MDFIC2: variants seen among roughly 807,000 people sequenced by gnomAD.
MDFIC2 encodes MyoD family inhibitor domain containing 2.
At chr3:70,245,463 C>T (rs1305792669) in intron 2 of MDFIC2, among the ~76,000 whole-genome samples, 1 of 151,328 alleles carries the variant, frequency 6.6e-6, no homozygotes, top group African/African-American at 2.4e-5. Flanking sequence ...TAAGAAATAG[C>T]ATATGGTCGA....
At chr3:70,246,257 A>C (rs1701707670) in intron 2 of MDFIC2, among the ~76,000 whole-genome samples, 1 of 152,164 alleles carries the variant, frequency 6.6e-6, no homozygotes, top group Middle Eastern at 3.4e-3. Context: ...TGTTTTGTTC[A>C]CCAGGAGGAA....
chr3:70,259,088 G>A (rs1279994510), intron 2 of MDFIC2, among the ~76,000 whole-genome samples: 2 of 152,058 alleles, frequency 1.3e-5, no homozygotes, highest in African/African-American at 2.4e-5. Flanking sequence ...GAAATTATAC[G>A]GTACCTCCTG....
intron 2 of MDFIC2, among the ~76,000 whole-genome samples, chr3:70,304,486 G>A (rs17007039): frequency 0.043 from 6,488 of 152,062 alleles, 202 homozygotes; most frequent in South Asian, 0.078. Flanking sequence ...CCCTTTTCTA[G>A]CCAATTTCTC....
At position 70,279,887 on chromosome 3, in the gene MDFIC2, C is replaced by G. The variant is rs1232392771; in HGVS notation, c.88+31999G>C. Among the ~76,000 whole-genome samples, 7 of 152,178 alleles carry G rather than the reference C, an allele frequency of 4.6e-5. No individual in the cohort carries two copies. In the East Asian group the frequency reaches 1.3e-3, roughly 29 times the overall value. On this transcript the variant is annotated intron_variant, in intron 2 of 3. Coordinates refer to ENST00000567252, the MANE Select transcript of MDFIC2 (RefSeq NM_001364677.1). ...GCTGTGTCATATCCTGGTTCTTTGT[C>G]AAATGGTGGCCAGAAGAGAAAGACA...
chr3:70,230,509 TA>T (rs1701548398), intron 2 of MDFIC2, among the ~76,000 whole-genome samples: 1 of 152,142 alleles, frequency 6.6e-6, no homozygotes, highest in Non-Finnish European at 1.5e-5. Flanking sequence ...CATATATATA[TA>T]TATACAGTTT....
At chr3:70,286,784 A>G (rs189664600) in intron 2 of MDFIC2, among the ~76,000 whole-genome samples, 1 of 152,208 alleles carries the variant, frequency 6.6e-6, no homozygotes, top group African/African-American at 2.4e-5. Flanking sequence ...CATCCCTTAT[A>G]AGTTGGATTC....
At chr3:70,245,691 A>ATATATC (rs1559543816) in intron 2 of MDFIC2, among the ~76,000 whole-genome samples, 1 of 135,322 alleles carries the variant, frequency 7.4e-6, no homozygotes, top group African/African-American at 2.7e-5. Flanking sequence ...ATATATATAT[A>ATATATC]TATATATATA....
At chr3:70,266,331 T>C (rs1701916776) in intron 2 of MDFIC2, among the ~76,000 whole-genome samples, 1 of 152,126 alleles carries the variant, frequency 6.6e-6, no homozygotes. Context: ...TTGATTAAAC[T>C]GTAATCGTTA....
At chr3:70,214,203 A>C (rs1701382339) in intron 2 of MDFIC2, among the ~76,000 whole-genome samples, 1 of 152,096 alleles carries the variant, frequency 6.6e-6, no homozygotes, top group African/African-American at 2.4e-5. Context: ...AATAAGATAC[A>C]TATATTTGAC....
Position 70,196,727 on chromosome 3 carries a change from G to A in MDFIC2, c.*199C>T, listed in dbSNP as rs918899245. 2.9e-4 allele frequency among the ~76,000 whole-genome samples: 44 copies of A among 152,140 alleles called. No homozygotes were observed. The highest frequency in any genetic ancestry group is 7.3e-5 in the Non-Finnish European group (5 of 68,036). ...GATCAAGAATCTTATTTTTCAGTGA[G>A]CCATGCGGTTGTGAAATTTGGAATA... On this transcript the variant is annotated 3_prime_UTR_variant, in exon 4 of 4. Coordinates refer to ENST00000567252, the MANE Select transcript of MDFIC2 (RefSeq NM_001364677.1).
intron 2 of MDFIC2, among the ~76,000 whole-genome samples, chr3:70,310,809 T>G (rs1575622808): frequency 6.6e-6 from 1 of 152,234 alleles, no homozygotes; most frequent in East Asian, 1.9e-4. Flanking sequence ...ACGAGTAACT[T>G]AAACATTTTT....
chr3:70,223,489 A>C (rs1474501792), intron 2 of MDFIC2, among the ~76,000 whole-genome samples: 1 of 152,152 alleles, frequency 6.6e-6, no homozygotes, highest in Non-Finnish European at 1.5e-5. Flanking sequence ...TCCTGAGCAA[A>C]AGTTACTCTT....
intron 2 of MDFIC2, among the ~76,000 whole-genome samples, chr3:70,258,182 T>C (rs1324209144): frequency 1.3e-5 from 2 of 152,140 alleles, no homozygotes; most frequent in Non-Finnish European, 2.9e-5. Context: ...ACTATCATGT[T>C]CTAGAATAAA....
intron 2 of MDFIC2, among the ~76,000 whole-genome samples, chr3:70,307,942 A>G (rs1702418004): frequency 6.6e-6 from 1 of 152,206 alleles, no homozygotes; most frequent in Non-Finnish European, 1.5e-5. Context: ...TGCTCCCTGC[A>G]TCACCTCCTT....
At chr3:70,205,824 C>G (rs1250354261) in intron 3 of MDFIC2, 1 of 152,068 alleles carries the variant, frequency 6.6e-6, no homozygotes, top group Non-Finnish European at 1.5e-5. Flanking sequence ...TCCAGGCTTT[C>G]TTTAAATGCT....
intron 3 of MDFIC2, among the ~76,000 whole-genome samples, chr3:70,199,276 A>G (rs1185248892): frequency 6.6e-6 from 1 of 152,102 alleles, no homozygotes; most frequent in Non-Finnish European, 1.5e-5. Context: ...ATTTCCTGAG[A>G]GTGTACAACC....
chr3:70,229,452 T>C (rs776627015), intron 2 of MDFIC2, among the ~76,000 whole-genome samples: 16 of 152,234 alleles, frequency 1.1e-4, no homozygotes, highest in Non-Finnish European at 1.3e-4. Flanking sequence ...AGCTAGATGC[T>C]ACATAGCAGA....
intron 2 of MDFIC2, among the ~76,000 whole-genome samples, chr3:70,223,857 C>A (rs931340088): frequency 1.3e-5 from 2 of 152,024 alleles, no homozygotes; most frequent in Non-Finnish European, 2.9e-5. Context: ...TAGACTTAAT[C>A]TTTTTTCTCC....
At chr3:70,262,838 C>T (rs149041863) in intron 2 of MDFIC2, among the ~76,000 whole-genome samples, 6 of 152,188 alleles carry the variant, frequency 3.9e-5, no homozygotes, top group Admixed American at 3.9e-4. Flanking sequence ...TGTTAGATGA[C>T]CTGATATTGT....
Sources: gnomAD v4.1 joint callset for allele counts (sites outside exome capture counted in the v4.1 genomes callset) on GRCh38, gnomAD v4.1.1 for gene constraint, MANE v1.5 for transcripts, NCBI Gene and HGNC (gene_info 2026-07-23, HGNC 2026-07-21) for gene names.